The following NRG3 variants were observed in gnomAD, a reference collection of about 807,000 sequenced individuals.
NRG3 encodes the protein neuregulin 3.
In NRG3, 31 loss-of-function variants were observed where a neutral mutation model predicts 66.9. The ratio of observed to expected loss-of-function variants is 0.46; its 90% confidence interval spans 0.35 to 0.63. The LOEUF is 0.63. Among genes scored for constraint, NRG3 ranks in the 20% least tolerant of loss-of-function variants. The pLI is 0.00. For missense variants in NRG3, 910 were observed against 878.9 expected, an observed-to-expected ratio of 1.04 and a Z score of -0.45; for synonymous variants, 393 against 359.4, an observed-to-expected ratio of 1.09 and a Z score of -1.06.
intron 1 of NRG3, among the ~76,000 whole-genome samples, chr10:82,173,756 C>A (rs1564631752): frequency 1.3e-5 from 2 of 151,768 alleles, no homozygotes; most frequent in Non-Finnish European, 2.9e-5. Context: ...CAAAGATCAA[C>A]ACTTACGTAC....
intron 1 of NRG3, among the ~76,000 whole-genome samples, chr10:82,194,596 T>C (rs2074349006): frequency 6.6e-6 from 1 of 152,060 alleles, no homozygotes; most frequent in Non-Finnish European, 1.5e-5. Context: ...GTTCGTGATC[T>C]AGAGGAGAGA....
chr10:82,039,582 C>T (rs1249827001), intron 1 of NRG3, among the ~76,000 whole-genome samples: 1 of 152,008 alleles, frequency 6.6e-6, no homozygotes, highest in Non-Finnish European at 1.5e-5. Context: ...TCTCTTTAGT[C>T]ATTTGAGAAC....
At chr10:81,975,179 G>A (rs1024031613) in intron 1 of NRG3, among the ~76,000 whole-genome samples, 32 of 152,062 alleles carry the variant, frequency 2.1e-4, no homozygotes, top group African/African-American at 7.2e-4. Flanking sequence ...TATCTCTACT[G>A]TTTGCCTACT....
intron 2 of NRG3, among the ~76,000 whole-genome samples, chr10:82,531,782 G>A (rs1172133022): frequency 6.6e-6 from 1 of 151,664 alleles, no homozygotes; most frequent in African/African-American, 2.4e-5. Context: ...GATTCTAAGT[G>A]CTTCTTTTCT....
intron 2 of NRG3, among the ~76,000 whole-genome samples, chr10:82,501,653 T>C (rs959672706): frequency 6.6e-6 from 1 of 152,148 alleles, no homozygotes; most frequent in African/African-American, 2.4e-5. Flanking sequence ...AATATTATTT[T>C]CCCAGAAAGT....
At chr10:82,289,153 A>G (rs1052668912) in intron 1 of NRG3, among the ~76,000 whole-genome samples, 11 of 152,116 alleles carry the variant, frequency 7.2e-5, no homozygotes, top group African/African-American at 2.7e-4. Context: ...CTTTTTCTCT[A>G]ACTCTTTGCT....
intron 6 of NRG3, among the ~76,000 whole-genome samples, chr10:82,972,063 T>G (rs1318280774): frequency 6.6e-6 from 1 of 152,168 alleles, no homozygotes; most frequent in Non-Finnish European, 1.5e-5. Flanking sequence ...GTTTTTATCA[T>G]CACTGATAGT....
At position 82,268,573 on chromosome 10, in the gene NRG3, C is replaced by T. The variant is rs564168028; in HGVS notation, c.824-90166C>T. 1.1e-4 allele frequency among the ~76,000 whole-genome samples: 17 copies of T among 152,116 alleles called. No homozygotes were observed. In the South Asian group the frequency reaches 2.7e-3, roughly 24 times the overall value. ...TCTTATATATTTTTTATCAAGATTC[C>T]TTCTCTGGATTCTGGCCGTATTATG... On this transcript the variant is annotated intron_variant, in intron 1 of 8. Coordinates refer to ENST00000372141, the MANE Select transcript of NRG3 (RefSeq NM_001010848.4).
intron 2 of NRG3, among the ~76,000 whole-genome samples, chr10:82,464,668 A>G (rs1423794606): frequency 6.6e-6 from 1 of 152,190 alleles, no homozygotes; most frequent in Non-Finnish European, 1.5e-5. Context: ...CTTCTAGGCT[A>G]AAATGGGAAA....
chr10:82,547,754 C>G (rs180910170), intron 2 of NRG3, among the ~76,000 whole-genome samples: 2 of 152,092 alleles, frequency 1.3e-5, no homozygotes, highest in East Asian at 3.9e-4. Flanking sequence ...TCCCTCAGCT[C>G]CAACATGGAT....
At chr10:82,208,808 T>G (rs1230417418) in intron 1 of NRG3, among the ~76,000 whole-genome samples, 1 of 152,170 alleles carries the variant, frequency 6.6e-6, no homozygotes, top group Non-Finnish European at 1.5e-5. Context: ...ACTGCTACCA[T>G]GGCTCATTAG....
intron 1 of NRG3, among the ~76,000 whole-genome samples, chr10:81,963,211 G>A (rs2059592619): frequency 7.8e-6 from 1 of 128,652 alleles, no homozygotes; most frequent in Non-Finnish European, 1.6e-5. Flanking sequence ...TCGGCTCACT[G>A]CAAGCTCCGC....
intron 2 of NRG3, among the ~76,000 whole-genome samples, chr10:82,487,530 G>A (rs1842781232): frequency 6.6e-6 from 1 of 152,138 alleles, no homozygotes; most frequent in South Asian, 2.1e-4. Context: ...CCAGTCTCCA[G>A]AATCCAGGTT....
chr10:82,708,979 T>C (rs1460570926), intron 2 of NRG3, among the ~76,000 whole-genome samples: 1 of 152,092 alleles, frequency 6.6e-6, no homozygotes, highest in Non-Finnish European at 1.5e-5. Flanking sequence ...ACTTTATAAC[T>C]GGGTTTTATA....
At chr10:82,113,344 C>G (rs1338237466) in intron 1 of NRG3, among the ~76,000 whole-genome samples, 3 of 152,208 alleles carry the variant, frequency 2.0e-5, no homozygotes, top group African/African-American at 7.2e-5. Context: ...TCCCAGAGCC[C>G]CCGCTCCTGA....
In NRG3 at chr10:82,985,995, A is replaced by C. The variant is rs574957929; in HGVS notation, c.*390A>C. 36 of 172,476 alleles carry C rather than the reference A, an allele frequency of 2.1e-4. No individual in the cohort carries two copies. The South Asian group carries it at 5.1e-3, about 24-fold the overall frequency. The allele number at this position is 172,476 out of a possible 1,614,324, so 10.7% of individuals were successfully genotyped here. A position where few individuals can be genotyped will look rare whatever the true frequency, so the allele number is the denominator to read the frequency against. On this transcript the variant is annotated 3_prime_UTR_variant, in exon 9 of 9. Coordinates refer to ENST00000372141, the MANE Select transcript of NRG3 (RefSeq NM_001010848.4). ...CCCGCAGGTGGATGCACCAGTGAGC[A>C]GGTGGCTCTTGCCATTTGGCTTGCC...
chr10:82,805,995 G>T (rs2061263949), intron 3 of NRG3, among the ~76,000 whole-genome samples: 1 of 152,112 alleles, frequency 6.6e-6, no homozygotes, highest in African/African-American at 2.4e-5. Flanking sequence ...AGAATGAGGG[G>T]AAAATGTTGC....
intron 4 of NRG3, among the ~76,000 whole-genome samples, chr10:82,888,761 T>C (rs892012411): frequency 1.3e-5 from 2 of 151,232 alleles, no homozygotes; most frequent in African/African-American, 4.9e-5. Flanking sequence ...AAAGAAAAAA[T>C]AAAAACAAGC....
chr10:82,343,404 C>T (rs755444507), intron 1 of NRG3, among the ~76,000 whole-genome samples: 1 of 152,044 alleles, frequency 6.6e-6, no homozygotes, highest in Non-Finnish European at 1.5e-5. Flanking sequence ...ATGACACAAA[C>T]AAATGGAAAA....
Sources: gnomAD v4.1 joint callset for allele counts (sites outside exome capture counted in the v4.1 genomes callset) on GRCh38, gnomAD v4.1.1 for gene constraint, MANE v1.5 for transcripts, NCBI Gene and HGNC (gene_info 2026-07-23, HGNC 2026-07-21) for gene names.